LNPEP: variants seen among roughly 807,000 people sequenced by gnomAD.
LNPEP encodes leucyl and cystinyl aminopeptidase.
Under a neutral mutation model 120.6 loss-of-function variants are expected in LNPEP, and 64 were observed. The ratio of observed to expected loss-of-function variants is 0.53; its 90% CI spans 0.43 to 0.65. The LOEUF is 0.65. Among genes scored for constraint, LNPEP ranks in the 30% least tolerant of loss-of-function variants. The pLI is 0.00. For missense variants in LNPEP, 1,057 were observed against 1,200.0 expected (o/e 0.88, Z 1.76); for synonymous variants, 435 against 425.4 (o/e 1.02, Z -0.28).
chr5:96,976,924 T>C (rs1481753457), intron 1 of LNPEP, among the ~76,000 whole-genome samples: 1 of 9,182 alleles, frequency 1.1e-4, no homozygotes, highest in Non-Finnish European at 2.3e-4. Context: ...AAACAGAACA[T>C]ACTTTTTTTT....
chr5:97,024,723 G>T, intron 15 of LNPEP, 41 bp downstream of exon 15: 1 of 1,562,342 alleles, frequency 6.4e-7, no homozygotes, highest in Non-Finnish European at 8.7e-7. Context: ...GAAACCAAAA[G>T]AATACAAACA....
intron 15 of LNPEP, among the ~76,000 whole-genome samples, 168 bp from the exon 16 acceptor site, chr5:97,026,449 A>G (rs1791341422): frequency 6.6e-6 from 1 of 152,102 alleles, no homozygotes; most frequent in African/African-American, 2.4e-5. Context: ...TCTTCATTTA[A>G]AAAAAATGAC....
At chr5:96,980,268 T>C (rs1276319866) in intron 2 of LNPEP, among the ~76,000 whole-genome samples, 2 of 152,124 alleles carry the variant, frequency 1.3e-5, no homozygotes, top group Non-Finnish European at 2.9e-5. Flanking sequence ...GTGAATCTAG[T>C]TTTCTGTCAC....
rs114803508 is a variant in LNPEP at position 96,996,102 on chromosome 5, A to G, written c.1408-288A>G. 2,116 of 223,988 alleles carry G rather than the reference A, an allele frequency of 9.4e-3. 15 individuals are homozygous for G. Among genetic ancestry groups the G allele is most frequent in the Non-Finnish European group, 0.014 (1,667 of 117,514 alleles). The allele number at this position is 223,988 out of a possible 1,614,324, so 13.9% of individuals were successfully genotyped here. ...GTTTTTATTTCCCTATATTCATGCT[A>G]TATTGCATGTTTGTTACATTGATAA... is the stretch of plus-strand genomic sequence containing the variant. On this transcript the variant is annotated intron_variant, in intron 6 of 17. Transcript: ENST00000231368.
chr5:97,022,709 C>T (rs1791235455), intron 14 of LNPEP, among the ~76,000 whole-genome samples: 2 of 150,178 alleles, frequency 1.3e-5, no homozygotes, highest in Non-Finnish European at 3.0e-5. Context: ...CATACGTATA[C>T]ATGTGCCATG....
At position 97,036,310 on chromosome 5, in the gene LNPEP, C is replaced by G. The variant is rs1014886674; in HGVS notation, c.*7777C>G. On this transcript the variant is annotated 3_prime_UTR_variant, in exon 18 of 18. Coordinates refer to ENST00000231368, the MANE Select transcript of LNPEP (RefSeq NM_005575.3). Reference sequence around the variant, plus strand: ...AGTTGGCCCTTTCTTACCCAGAGGTCTTTTGTGTGACTGCATCTTTCTCCT... The same window carrying G: ...AGTTGGCCCTTTCTTACCCAGAGGTGTTTTGTGTGACTGCATCTTTCTCCT... The G allele has an allele frequency of 1.3e-5, 2 of 152,274 alleles. No individual in the cohort carries two copies. Among genetic ancestry groups the G allele is most frequent in the Admixed American group, 1.3e-4 (2 of 15,286 alleles). 9.4% of individuals were successfully genotyped at this position (152,274 alleles called of 1,614,324 possible).
At chr5:96,956,387 G>A (rs1341996195) in intron 1 of LNPEP, among the ~76,000 whole-genome samples, 3 of 152,084 alleles carry the variant, frequency 2.0e-5, no homozygotes, top group South Asian at 2.1e-4. Context: ...GTGTAGTGGC[G>A]CACGCCTGTA....
chr5:96,949,825 A>T (rs1287678244), intron 1 of LNPEP, among the ~76,000 whole-genome samples: 1 of 152,220 alleles, frequency 6.6e-6, no homozygotes. Context: ...ATCTGAGAGT[A>T]ATATTACTCC....
At chr5:96,983,370 T>C (rs761635323) in intron 2 of LNPEP, among the ~76,000 whole-genome samples, 7 of 152,220 alleles carry the variant, frequency 4.6e-5, no homozygotes, top group Non-Finnish European at 1.5e-5. Flanking sequence ...GATCTAGTTA[T>C]TCTTTTACTT....
chr5:96,952,623 G>T (rs560650664), intron 1 of LNPEP, among the ~76,000 whole-genome samples: 3 of 152,132 alleles, frequency 2.0e-5, no homozygotes, highest in Non-Finnish European at 4.4e-5. Context: ...GGTTATGTGC[G>T]GATTCTACCG....
At chr5:96,989,300 AAT>A (rs1393192806) in intron 4 of LNPEP, among the ~76,000 whole-genome samples, 1 of 74,378 alleles carries the variant, frequency 1.3e-5, no homozygotes, top group Non-Finnish European at 2.5e-5. Context: ...ATTTATATAT[AAT>A]ATATTGTATA....
intron 8 of LNPEP, among the ~76,000 whole-genome samples, chr5:96,998,637 C>T (rs573696205): frequency 6.6e-6 from 1 of 152,178 alleles, no homozygotes; most frequent in Admixed American, 6.5e-5. Context: ...CACCATAGGT[C>T]GGAGAATAGA....
At chr5:96,969,642 TG>T (rs2112592403) in intron 1 of LNPEP, among the ~76,000 whole-genome samples, 1 of 152,134 alleles carries the variant, frequency 6.6e-6, no homozygotes, top group South Asian at 2.1e-4. Context: ...TAGGAGAATA[TG>T]AGTTAGAGCC....
Position 97,006,487 on chromosome 5 carries a change from A to G in LNPEP, c.2007A>G (p.Gln669=), listed in dbSNP as rs541171362. Residue 669 remains glutamine, a synonymous_variant, in exon 11 of 18, where the codon CAA becomes CAG. Coordinates refer to ENST00000231368, the MANE Select transcript of LNPEP (RefSeq NM_005575.3). Reference sequence around the variant, plus strand: ...AAGGAAGAAATTATTCAAAATATCAATCGGTATCATTACTGGATAAGAAAT... The same window carrying G: ...AAGGAAGAAATTATTCAAAATATCAGTCGGTATCATTACTGGATAAGAAAT... ...VTEGRNYSKY[Q]SVSLLDKKSG... is the part of the protein sequence containing the mutation. 26 of 1,561,636 alleles carry G rather than the reference A, an allele frequency of 1.7e-5. No homozygotes were observed. Among genetic ancestry groups the G allele is most frequent in the Middle Eastern group, 1.7e-4 (1 of 5,962 alleles).
intron 11 of LNPEP, among the ~76,000 whole-genome samples, chr5:97,008,266 G>A (rs974338459): frequency 2.0e-5 from 3 of 151,058 alleles, no homozygotes; most frequent in African/African-American, 7.3e-5. Context: ...AGAAATAATT[G>A]GGCAATAAGA....
Position 96,966,508 on chromosome 5 carries a change from TTGTGTGTGTGTGTG to T in LNPEP, c.20-12598_20-12585del, listed in dbSNP as rs375861296. Reference sequence around the variant, plus strand: ...GAGTGAGACTCTGTCTTACATATATTTGTGTGTGTGTGTGTGTGTGTGTGTGTGTGTGTGTGTGT... The same window carrying T: ...GAGTGAGACTCTGTCTTACATATATTTGTGTGTGTGTGTGTGTGTGTGTGT... On this transcript the variant is annotated intron_variant, in intron 1 of 17. Coordinates refer to ENST00000231368, the MANE Select transcript of LNPEP (RefSeq NM_005575.3). Among the ~76,000 whole-genome samples, 725 of 133,460 alleles carry T rather than the reference TTGTGTGTGTGTGTG, an allele frequency of 5.4e-3. 2 individuals are homozygous for T. Among genetic ancestry groups the T allele is most frequent in the South Asian group, 0.019 (73 of 3,904 alleles). The allele number at this position is 133,460 out of a possible 152,430, so 87.6% of individuals were successfully genotyped here.
intron 1 of LNPEP, among the ~76,000 whole-genome samples, chr5:96,954,768 A>ATTTTTT (rs1581981619): frequency 5.5e-5 from 2 of 36,094 alleles, no homozygotes; most frequent in East Asian, 4.3e-4. Context: ...ATATATATAT[A>ATTTTTT]TATATTTTTT....
chr5:97,021,918 CTTTTG>C (rs1791207185), intron 13 of LNPEP, among the ~76,000 whole-genome samples: 1 of 50,016 alleles, frequency 2.0e-5, no homozygotes, highest in African/African-American at 7.9e-5. Flanking sequence ...TGTTTTTTGT[CTTTTG>C]TTTTTTTTTT....
intron 1 of LNPEP, among the ~76,000 whole-genome samples, chr5:96,961,646 T>TC: frequency 6.6e-6 from 1 of 152,146 alleles, no homozygotes; most frequent in Non-Finnish European, 1.5e-5. Flanking sequence ...CAGGATCCCC[T>TC]CCCCCCTACC....
Sources: gnomAD v4.1 joint callset for allele counts (sites outside exome capture counted in the v4.1 genomes callset) on GRCh38, gnomAD v4.1.1 for gene constraint, MANE v1.5 for transcripts, NCBI Gene and HGNC (gene_info 2026-07-23, HGNC 2026-07-21) for gene names.